Variants in RBFOX1 observed in about 807,000 individuals in gnomAD.
RBFOX1 encodes RNA binding protein fox-1 homolog 1.
RBFOX1 carries 8 observed loss-of-function variants against 57.7 expected under a neutral mutation model. That is an observed-to-expected ratio of 0.14 (90% CI 0.08 to 0.25). The LOEUF is 0.25. RBFOX1 is among the 10% of genes least tolerant of loss of function. The pLI is 1.00. For synonymous variants in RBFOX1, 326 were observed against 222.4 expected, an observed-to-expected ratio of 1.47 and a Z score of -4.15; for missense variants, 611 against 548.5, an observed-to-expected ratio of 1.11 and a Z score of -1.14.
At chr16:6,699,573 T>G (rs1020941032) in intron 3 of RBFOX1, among the ~76,000 whole-genome samples, 32 of 152,314 alleles carry the variant, frequency 2.1e-4, no homozygotes, top group Non-Finnish European at 7.4e-5. Context: ...GCGAGTGATA[T>G]GTCATAACAG....
chr16:6,884,514 G>C (rs79590864), intron 3 of RBFOX1, among the ~76,000 whole-genome samples: 2 of 152,268 alleles, frequency 1.3e-5, no homozygotes, highest in East Asian at 3.9e-4. Flanking sequence ...GAACTGTGTT[G>C]ATGACATGTT....
chr16:6,602,959 G>T (rs1691210047), intron 2 of RBFOX1, among the ~76,000 whole-genome samples: 1 of 152,150 alleles, frequency 6.6e-6, no homozygotes, highest in South Asian at 2.1e-4. Flanking sequence ...ACTTGAGCCG[G>T]TGCTGTTATT....
At chr16:5,578,967 C>G (rs1254262440) in intron 2 of RBFOX1, among the ~76,000 whole-genome samples, 1 of 150,876 alleles carries the variant, frequency 6.6e-6, no homozygotes, top group Non-Finnish European at 1.5e-5. Flanking sequence ...CCTGCCTCAG[C>G]CTTCTGAGTA....
intron 2 of RBFOX1, among the ~76,000 whole-genome samples, chr16:6,600,911 A>T (rs904692561): frequency 3.3e-5 from 5 of 152,220 alleles, no homozygotes; most frequent in African/African-American, 4.8e-5. Flanking sequence ...TAATATGACT[A>T]AACAAAGTCC....
intron 4 of RBFOX1, among the ~76,000 whole-genome samples, chr16:7,073,597 C>A (rs143667731): frequency 6.6e-6 from 1 of 152,142 alleles, no homozygotes; most frequent in South Asian, 2.1e-4. Context: ...AATCCCAGCC[C>A]CTTTGGGAGG....
At chr16:7,622,259 T>C (rs557217446) in intron 10 of RBFOX1, among the ~76,000 whole-genome samples, 1 of 152,328 alleles carries the variant, frequency 6.6e-6, no homozygotes, top group Admixed American at 6.5e-5. Context: ...TATGCTTCAA[T>C]ATCCTCATCT....
rs191516795 is a variant in RBFOX1 at position 7,113,728 on chromosome 16, A to G, written c.27+61630A>G. Among the ~76,000 whole-genome samples, 460 of 152,302 alleles carry G rather than the reference A, an allele frequency of 3.0e-3. 3 individuals carry two copies. Among genetic ancestry groups the G allele is most frequent in the Non-Finnish European group, 2.4e-3 (162 of 68,026 alleles). Reference sequence around the variant, plus strand: ...TCTATTTTGTTCTTTGCAAGGCTGCATAATGTCCTATGTTATAGATGTGTT... The same window carrying G: ...TCTATTTTGTTCTTTGCAAGGCTGCGTAATGTCCTATGTTATAGATGTGTT... On this transcript the variant is annotated intron_variant, in intron 4 of 15. Transcript: ENST00000550418.
chr16:7,485,288 A>G lies in RBFOX1; in HGVS notation c.28-32859A>G, dbSNP rs139647866. 3.6e-3 allele frequency among the ~76,000 whole-genome samples: 546 copies of G among 152,326 alleles called. 4 individuals carry two copies. Among genetic ancestry groups the G allele is most frequent in the African/African-American group, 0.012 (518 of 41,578 alleles). On this transcript the variant is annotated intron_variant, in intron 4 of 15. Coordinates refer to ENST00000550418, the MANE Select transcript of RBFOX1 (RefSeq NM_018723.4). ...CGTGTTGCTTTTCCCTCATGTTTCC[A>G]GGCAGACCACGCAGTGACTATTTAA... is the stretch of plus-strand genomic sequence containing the variant.
intron 4 of RBFOX1, among the ~76,000 whole-genome samples, chr16:7,391,899 G>C (rs901243650): frequency 3.3e-5 from 5 of 150,976 alleles, no homozygotes; most frequent in African/African-American, 1.2e-4. Flanking sequence ...TGAGGTAAGG[G>C]ACAAGGATAT....
chr16:6,618,761 A>C (rs963346937), intron 2 of RBFOX1, among the ~76,000 whole-genome samples: 1 of 152,152 alleles, frequency 6.6e-6, no homozygotes, highest in African/African-American at 2.4e-5. Flanking sequence ...CATGGTAAAC[A>C]TTCCAAAGAA....
intron 3 of RBFOX1, among the ~76,000 whole-genome samples, chr16:7,006,413 A>G (rs965185033): frequency 2.6e-5 from 4 of 152,166 alleles, no homozygotes; most frequent in African/African-American, 7.2e-5. Context: ...TTGGCCTCCC[A>G]AAGTGCTGGG....
intron 2 of RBFOX1, among the ~76,000 whole-genome samples, chr16:6,367,429 C>G (rs191508574): frequency 6.6e-6 from 1 of 152,066 alleles, no homozygotes; most frequent in African/African-American, 2.4e-5. Flanking sequence ...CACCACCATG[C>G]CCGGCTAATT....
intron 3 of RBFOX1, among the ~76,000 whole-genome samples, chr16:6,870,013 G>A (rs1015047264): frequency 6.6e-5 from 10 of 152,112 alleles, no homozygotes. Flanking sequence ...GATGCTGTGA[G>A]ATCTATGCAT....
chr16:6,672,928 G>A (rs769315809), intron 3 of RBFOX1, among the ~76,000 whole-genome samples: 1 of 152,104 alleles, frequency 6.6e-6, no homozygotes, highest in African/African-American at 2.4e-5. Flanking sequence ...CCCAGGCAAG[G>A]GCGTGTGGGA....
chr16:6,090,485 A>G (rs1766141083), intron 1 of RBFOX1, among the ~76,000 whole-genome samples: 1 of 152,230 alleles, frequency 6.6e-6, no homozygotes, highest in Non-Finnish European at 1.5e-5. Context: ...GATATGAACC[A>G]TGATGCTTTT....
intron 2 of RBFOX1, among the ~76,000 whole-genome samples, chr16:6,523,829 T>TG (rs1250982801): frequency 2.6e-5 from 4 of 152,186 alleles, no homozygotes; most frequent in Non-Finnish European, 5.9e-5. Context: ...AGATTTTCTT[T>TG]GAAAAAAATG....
intron 4 of RBFOX1, among the ~76,000 whole-genome samples, chr16:7,072,721 T>C (rs779722848): frequency 4.6e-5 from 7 of 152,344 alleles, no homozygotes; most frequent in Admixed American, 2.6e-4. Context: ...GGACAAAATA[T>C]ATGAAGCATC....
At chr16:5,852,362 AC>A (rs1346412939) in intron 3 of RBFOX1, among the ~76,000 whole-genome samples, 1 of 152,204 alleles carries the variant, frequency 6.6e-6, no homozygotes, top group African/African-American at 2.4e-5. Flanking sequence ...GAGGGAAGGA[AC>A]ATGAGGCAGC....
chr16:7,167,641 G>C (rs982824152), intron 4 of RBFOX1, among the ~76,000 whole-genome samples: 1 of 152,190 alleles, frequency 6.6e-6, no homozygotes, highest in Admixed American at 6.5e-5. Context: ...TTGATAAGTT[G>C]TTACTGCAGC....
Sources: allele counts gnomAD v4.1 joint callset (sites outside exome capture counted in the v4.1 genomes callset), GRCh38; gene constraint gnomAD v4.1.1; transcripts MANE v1.5; gene names NCBI Gene and HGNC (gene_info 2026-07-23, HGNC 2026-07-21).